ERBB4: variants seen among roughly 807,000 people sequenced by gnomAD.
The protein encoded by ERBB4 is erb-b2 receptor tyrosine kinase 4, also known as receptor tyrosine-protein kinase erbB-4.
ERBB4 carries 42 observed loss-of-function variants against 158.0 expected under a neutral mutation model. That is an observed-to-expected ratio of 0.27 (90% CI 0.21 to 0.34). The LOEUF is 0.34. ERBB4 is among the 10% of genes least tolerant of loss of function. The probability of loss-of-function intolerance (pLI) is 1.00; values close to 1 mark genes in which losing one functional copy is unlikely to be tolerated. For synonymous variants in ERBB4, 583 were observed against 558.7 expected, an observed-to-expected ratio of 1.04 and a Z score of -0.61; for missense variants, 1,333 against 1,624.1, an observed-to-expected ratio of 0.82 and a Z score of 3.08.
chr2:212,287,791 A>G (rs73066386), intron 1 of ERBB4, among the ~76,000 whole-genome samples: 7,092 of 152,260 alleles, frequency 0.047, 530 homozygotes, highest in African/African-American at 0.16. Flanking sequence ...GGAAGCCATT[A>G]TCCTGAGCAA....
Position 212,052,219 on chromosome 2 carries a change from C to A in ERBB4, c.234+72533G>T, listed in dbSNP as rs147605557. On this transcript the variant is annotated intron_variant, in intron 2 of 27. Coordinates refer to ENST00000342788, the MANE Select transcript of ERBB4 (RefSeq NM_005235.3). ...TTCTCCCATGCTGGTTGTTTCCTGCCCTCAAACATCAGACTCCTAGCTCTT... is the reference window on the plus strand; with the variant it reads ...TTCTCCCATGCTGGTTGTTTCCTGCACTCAAACATCAGACTCCTAGCTCTT... Among the ~76,000 whole-genome samples the A allele has an allele frequency of 2.6e-3, 395 of 152,248 alleles. 2 individuals carry two copies. Among genetic ancestry groups the A allele is most frequent in the Non-Finnish European group, 4.2e-3 (287 of 68,012 alleles).
chr2:212,462,414 A>G (rs1688622439), intron 1 of ERBB4, among the ~76,000 whole-genome samples: 1 of 152,186 alleles, frequency 6.6e-6, no homozygotes, highest in African/African-American at 2.4e-5. Context: ...CAGCAAAAAA[A>G]TAAATAATCC....
chr2:212,431,265 A>C (rs2092020869), intron 1 of ERBB4, among the ~76,000 whole-genome samples: 1 of 139,912 alleles, frequency 7.1e-6, no homozygotes. Context: ...TCTTCATCTC[A>C]TCTCAGTTGA....
At chr2:211,533,137 A>G (rs1238371984) in intron 20 of ERBB4, among the ~76,000 whole-genome samples, 1 of 151,822 alleles carries the variant, frequency 6.6e-6, no homozygotes, top group Non-Finnish European at 1.5e-5. Flanking sequence ...CAGGTCTTGC[A>G]GATAGATTTT....
At chr2:211,435,214 T>C (rs2063823572) in intron 20 of ERBB4, among the ~76,000 whole-genome samples, 1 of 152,196 alleles carries the variant, frequency 6.6e-6, no homozygotes, top group Admixed American at 6.5e-5. Context: ...CTGTGTTTCA[T>C]GGGTAAAGAA....
chr2:211,997,221 T>C (rs1468212340), intron 2 of ERBB4, among the ~76,000 whole-genome samples: 1 of 152,172 alleles, frequency 6.6e-6, no homozygotes, highest in Non-Finnish European at 1.5e-5. Context: ...AATTCCTTCC[T>C]TTTCAAACCT....
At chr2:211,529,676 C>T (rs150689478) in intron 20 of ERBB4, among the ~76,000 whole-genome samples, 54 of 152,068 alleles carry the variant, frequency 3.6e-4, no homozygotes, top group Admixed American at 1.3e-3. Flanking sequence ...ATCTTAAGGA[C>T]GCAAGAATGG....
At chr2:211,488,479 T>A (rs2065261404) in intron 20 of ERBB4, among the ~76,000 whole-genome samples, 1 of 152,094 alleles carries the variant, frequency 6.6e-6, no homozygotes, top group South Asian at 2.1e-4. Context: ...GAATAAAGAT[T>A]TCTTAAAATA....
chr2:212,524,656 A>G (rs776116502), intron 1 of ERBB4, among the ~76,000 whole-genome samples: 4 of 151,694 alleles, frequency 2.6e-5, no homozygotes, highest in Non-Finnish European at 5.9e-5. Context: ...ATATGTGGGC[A>G]GTGGCATCCT....
At chr2:211,398,064 A>G (rs2062957989) in intron 25 of ERBB4, among the ~76,000 whole-genome samples, 1 of 151,850 alleles carries the variant, frequency 6.6e-6, no homozygotes, top group Non-Finnish European at 1.5e-5. Flanking sequence ...CAAACATCAC[A>G]TTTCTTAAAG....
intron 7 of ERBB4, among the ~76,000 whole-genome samples, chr2:211,717,080 G>T (rs777056262): frequency 1.3e-5 from 2 of 152,072 alleles, no homozygotes; most frequent in African/African-American, 4.8e-5. Flanking sequence ...CAACCCTCGG[G>T]CTTCAACCTA....
chr2:211,509,590 G>C (rs2065838985), intron 20 of ERBB4, among the ~76,000 whole-genome samples: 1 of 151,954 alleles, frequency 6.6e-6, no homozygotes, highest in Non-Finnish European at 1.5e-5. Flanking sequence ...AACAAAAAAT[G>C]GTAAGTGGGA....
intron 3 of ERBB4, among the ~76,000 whole-genome samples, chr2:211,870,990 A>G (rs1025172332): frequency 1.3e-5 from 2 of 152,238 alleles, no homozygotes; most frequent in African/African-American, 4.8e-5. Flanking sequence ...AGAAATTCTA[A>G]AAGTCAAGCT....
intron 3 of ERBB4, among the ~76,000 whole-genome samples, chr2:211,845,934 C>G (rs991138047): frequency 6.6e-6 from 1 of 152,016 alleles, no homozygotes; most frequent in Non-Finnish European, 1.5e-5. Context: ...ATTTCTTAAT[C>G]TTTATGTATT....
At chr2:211,688,784 T>A (rs1353655482) in intron 12 of ERBB4, among the ~76,000 whole-genome samples, 1 of 152,166 alleles carries the variant, frequency 6.6e-6, no homozygotes, top group Admixed American at 6.5e-5. Context: ...TCTAATTAAC[T>A]TTGTAGTTAT....
intron 2 of ERBB4, among the ~76,000 whole-genome samples, chr2:212,035,397 T>C (rs1199579514): frequency 6.6e-6 from 1 of 152,202 alleles, no homozygotes; most frequent in East Asian, 1.9e-4. Context: ...CTCTCTGAGG[T>C]GTCTCATCCC....
At chr2:211,432,602 G>C (rs1238467706) in intron 20 of ERBB4, among the ~76,000 whole-genome samples, 1 of 101,018 alleles carries the variant, frequency 9.9e-6, no homozygotes, top group Non-Finnish European at 1.9e-5. Context: ...TGACTTAAAG[G>C]ATCAAAAAAA....
chr2:211,800,785 T>TA (rs1295156419), intron 3 of ERBB4, among the ~76,000 whole-genome samples: 1 of 151,020 alleles, frequency 6.6e-6, no homozygotes, highest in African/African-American at 2.4e-5. Flanking sequence ...GGCAGCACAA[T>TA]AAAAAACTTC....
chr2:212,144,018 C>CAA (rs58331172), intron 1 of ERBB4, among the ~76,000 whole-genome samples: 3,900 of 114,454 alleles, frequency 0.034, 180 homozygotes, highest in African/African-American at 0.11. Context: ...GACTTCATCT[C>CAA]AAAAAAAAAA....
Sources: allele counts gnomAD v4.1 joint callset (sites outside exome capture counted in the v4.1 genomes callset), GRCh38; gene constraint gnomAD v4.1.1; transcripts MANE v1.5; gene names NCBI Gene and HGNC (gene_info 2026-07-23, HGNC 2026-07-21).